The following DLK1 variants were observed in gnomAD, a reference collection of about 807,000 sequenced individuals.
DLK1 encodes delta like non-canonical Notch ligand 1.
A neutral mutation model predicts 35.2 loss-of-function variants in DLK1; 9 were observed. The observed-to-expected ratio is 0.26, with a 90% CI of 0.15 to 0.45. The LOEUF is 0.45. Among genes scored for constraint, DLK1 ranks in the 20% least tolerant of loss-of-function variants. The probability of loss-of-function intolerance (pLI) is 1.00; values close to 1 mark genes in which losing one functional copy is unlikely to be tolerated. For synonymous variants in DLK1, 231 were observed against 228.4 expected, an observed-to-expected ratio of 1.01 and a Z score of -0.10; for missense variants, 522 against 528.5, an observed-to-expected ratio of 0.99 and a Z score of 0.12.
intron 4 of DLK1, among the ~76,000 whole-genome samples, chr14:100,732,981 G>A (rs2036526649): frequency 6.6e-6 from 1 of 152,210 alleles, no homozygotes; most frequent in African/African-American, 2.4e-5. Context: ...AGAAACAGAA[G>A]CTAACATGCA....
In DLK1 at chr14:100,734,042, C is replaced by A; in HGVS notation, c.405-107C>A. 1 of 1,412,798 alleles carries A rather than the reference C, an allele frequency of 7.1e-7. No individual in the cohort carries two copies. Among genetic ancestry groups the A allele is most frequent in the Non-Finnish European group, 9.4e-7 (1 of 1,063,204 alleles). The allele number at this position is 1,412,798 out of a possible 1,614,324, so 87.5% of individuals were successfully genotyped here. On this transcript the variant is annotated intron_variant, in intron 4 of 4. Coordinates refer to ENST00000341267, the MANE Select transcript of DLK1 (RefSeq NM_003836.7). This position sits in a 1 kb window ranked among gnomAD's most constrained non-coding sequence, Gnocchi z 7.4. ...TCATTCACCTGATGTGTTTTAAGCA[C>A]CTGCCCCTTAGTCAGGCCAGGGACC...
chr14:100,734,629 A>G lies in DLK1; in HGVS notation c.885A>G (p.Lys295=). Reference sequence around the variant, plus strand: ...TGTCCATGAAAGAGCTCAACAAGAAAACCCCTCTCCTCACCGAGGGCCAGG... The same window carrying G: ...TGTCCATGAAAGAGCTCAACAAGAAGACCCCTCTCCTCACCGAGGGCCAGG... ...LKVSMKELNK[K]TPLLTEGQAI... The change falls in exon 5 of 5, where the codon AAA becomes AAG. Residue 295 remains lysine (K), a synonymous_variant. Coordinates refer to ENST00000341267, the MANE Select transcript of DLK1 (RefSeq NM_003836.7). The surrounding 1 kb of genome is among the most constrained non-coding windows in gnomAD (Gnocchi z 7.4). 6.2e-7 allele frequency: 1 copy of G among 1,613,802 alleles called. No homozygotes were observed.
chr14:100,731,409 A>G (rs1223931135), intron 3 of DLK1, among the ~76,000 whole-genome samples: 12 of 152,222 alleles, frequency 7.9e-5, no homozygotes, highest in Admixed American at 7.9e-4. Context: ...TGGCTTTAAA[A>G]GATGAAGCCT....
intron 1 of DLK1, 35 bp downstream of exon 1, chr14:100,727,170 TG>T: frequency 6.6e-7 from 1 of 1,524,384 alleles, no homozygotes. Flanking sequence ...GCGCCCCCTC[TG>T]GGGAAGCCTG....
Position 100,735,587 on chromosome 14 carries a change from C to T in DLK1, c.*691C>T, listed in dbSNP as rs988499928. On this transcript the variant is annotated 3_prime_UTR_variant, in exon 5 of 5. Transcript: ENST00000341267. ...GAGGGAGGGGTTTGAACACCGACCA[C>T]CATGGTCCTCTCTGGCTCTAAAACT... 6 of 152,164 alleles carry T rather than the reference C, an allele frequency of 3.9e-5. No individual in the cohort carries two copies. The highest frequency in any genetic ancestry group is 3.9e-4 in the Admixed American group (6 of 15,288). The allele number at this position is 152,164 out of a possible 1,614,324, so 9.4% of individuals were successfully genotyped here.
chr14:100,733,048 A>G (rs2036527589), intron 4 of DLK1, among the ~76,000 whole-genome samples: 1 of 152,244 alleles, frequency 6.6e-6, no homozygotes, highest in South Asian at 2.1e-4. Context: ...AGTAGTCTGT[A>G]AGAGCTGTAA....
Position 100,727,111 on chromosome 14 carries a change from C to T in DLK1, c.43C>T (p.Leu15=), listed in dbSNP as rs1254783826. 6.3e-7 allele frequency: 1 copy of T among 1,595,078 alleles called. No individual in the cohort carries two copies. Among genetic ancestry groups the T allele is most frequent in the African/African-American group, 1.4e-5 (1 of 72,906 alleles). ...CCTCCTGCGCGTCCTCTTGCTCCTGCTGGCTTTCGGCCACAGCACCTATGG... is the reference window on the plus strand; with the variant it reads ...CCTCCTGCGCGTCCTCTTGCTCCTGTTGGCTTTCGGCCACAGCACCTATGG... The part of the protein sequence containing the change: ...EALLRVLLLL[L]AFGHSTYGAE... The change falls in exon 1 of 5, where the codon CTG becomes TTG. Residue 15 remains leucine, a synonymous_variant. Transcript: ENST00000341267.
In DLK1 at chr14:100,734,692, G is replaced by T; in HGVS notation, c.948G>T (p.Leu316=). 6.2e-7 allele frequency: 1 copy of T among 1,614,096 alleles called. No individual in the cohort carries two copies. The highest frequency in any genetic ancestry group is 8.5e-7 in the Non-Finnish European group (1 of 1,180,042). The change falls in exon 5 of 5, where the codon CTG becomes CTT. Residue 316 remains leucine (L), a synonymous_variant. Transcript: ENST00000341267. This position sits in a 1 kb window ranked among gnomAD's most constrained non-coding sequence, Gnocchi z 7.4. ...CCATCCTGGGCGTGCTCACCAGCCT[G>T]GTGGTGCTGGGCACTGTGGGTATCG... ...CFTILGVLTS[L]VVLGTVGIVF...
At chr14:100,728,776 A>T in intron 2 of DLK1, 160 bp from the exon 3 acceptor site, 1 of 1,023,410 alleles carries the variant, frequency 9.8e-7, no homozygotes, top group Non-Finnish European at 1.4e-6. Flanking sequence ...TTTCTCTTTA[A>T]GTTTTCCCAT....
In DLK1 at chr14:100,729,185, C is replaced by T. The variant is rs117667438; in HGVS notation, c.262+119C>T. The T allele has an allele frequency of 6.8e-3, 10,172 of 1,488,892 alleles. 65 individuals are homozygous for T. The highest frequency in any genetic ancestry group is 7.6e-3 in the Non-Finnish European group (8,269 of 1,087,860). 92.2% of individuals were successfully genotyped at this position (1,488,892 alleles called of 1,614,324 possible). On this transcript the variant is annotated intron_variant, in intron 3 of 4. Coordinates refer to ENST00000341267, the MANE Select transcript of DLK1 (RefSeq NM_003836.7). ...CTCACTTCCTCATTCCTGCACACTC[C>T]GTGCCCTGTATTCTAAAGATCTGTT...
At position 100,734,107 on chromosome 14, in the gene DLK1, C is replaced by T; in HGVS notation, c.405-42C>T. On this transcript the variant is annotated intron_variant, in intron 4 of 4. Transcript: ENST00000341267. This position sits in a 1 kb window ranked among gnomAD's most constrained non-coding sequence, Gnocchi z 7.4. Reference sequence around the variant, plus strand: ...CCGTGCCCTGCAGCGCTGTTGTAGCCTAGCCCCTGAGGCCGTTTACTATGT... The same window carrying T: ...CCGTGCCCTGCAGCGCTGTTGTAGCTTAGCCCCTGAGGCCGTTTACTATGT... 6.4e-7 allele frequency: 1 copy of T among 1,555,280 alleles called. No individual in the cohort carries two copies. The highest frequency in any genetic ancestry group is 8.7e-7 in the Non-Finnish European group (1 of 1,151,690).
At chr14:100,727,895 G>A (rs887077393) in intron 1 of DLK1, among the ~76,000 whole-genome samples, 2 of 152,124 alleles carry the variant, frequency 1.3e-5, no homozygotes, top group African/African-American at 2.4e-5. Flanking sequence ...CTGGGTGCCC[G>A]GCTTAATAGG....
chr14:100,727,276 G>C (rs2036447036), intron 1 of DLK1, 141 bp downstream of exon 1: 2 of 902,430 alleles, frequency 2.2e-6, no homozygotes, highest in East Asian at 3.3e-5. Context: ...CGCTGTGCCT[G>C]TCTCGCCCTA....
chr14:100,731,654 G>A (rs1350787447), intron 3 of DLK1, among the ~76,000 whole-genome samples: 1 of 152,198 alleles, frequency 6.6e-6, no homozygotes, highest in Non-Finnish European at 1.5e-5. Flanking sequence ...ACAGGAGAGG[G>A]TGGAGATGCA....
In DLK1 at chr14:100,734,003, C is replaced by T. The variant is rs965370907; in HGVS notation, c.405-146C>T. On this transcript the variant is annotated intron_variant, in intron 4 of 4. Transcript: ENST00000341267. The surrounding 1 kb of genome is among the most constrained non-coding windows in gnomAD (Gnocchi z 7.4). ...CTCTGTGCCTCCCTGGCTGGCGTTC[C>T]CTCCCTCGCTCCCTCATTCACCTGA... is the stretch of plus-strand genomic sequence containing the variant. The T allele has an allele frequency of 2.8e-6, 3 of 1,073,834 alleles. No individual in the cohort carries two copies. The highest frequency in any genetic ancestry group is 3.1e-5 in the East Asian group (1 of 32,160). The allele number at this position is 1,073,834 out of a possible 1,614,324, so 66.5% of individuals were successfully genotyped here.
At chr14:100,729,343 G>C in intron 3 of DLK1, 2 of 644,340 alleles carry the variant, frequency 3.1e-6, no homozygotes, top group East Asian at 2.7e-5. Flanking sequence ...TGAATAAAGA[G>C]TCACAAAATA....
rs779173575 is a variant in DLK1, at chr14:100,727,147, G to A, written c.67+12G>A. ...CCACAGCACCTATGGTGAGTTCCCCGGCGGCCCGGCTCGCGCCCCCTCTGG... is the reference window on the plus strand; with the variant it reads ...CCACAGCACCTATGGTGAGTTCCCCAGCGGCCCGGCTCGCGCCCCCTCTGG... On this transcript the variant is annotated intron_variant, in intron 1 of 4. Coordinates refer to ENST00000341267, the MANE Select transcript of DLK1 (RefSeq NM_003836.7). 29 of 1,566,106 alleles carry A rather than the reference G, an allele frequency of 1.9e-5. No homozygotes were observed. In the South Asian group the frequency reaches 2.2e-4, roughly 12 times the overall value.
chr14:100,728,307 G>C, intron 1 of DLK1, 89 bp from the exon 2 acceptor site: 1 of 1,462,226 alleles, frequency 6.8e-7, no homozygotes, highest in African/African-American at 1.4e-5. Context: ...GTGCCCTCGA[G>C]GGCAGTGGTG....
rs763780181 is a variant in DLK1 at position 100,727,108 on chromosome 14, C to T, written c.40C>T (p.Leu14=). The change falls in exon 1 of 5, where the codon CTG becomes TTG. Residue 14 remains leucine (L), a synonymous_variant. Coordinates refer to ENST00000341267, the MANE Select transcript of DLK1 (RefSeq NM_003836.7). ...TEALLRVLLL[L]LAFGHSTYGA... Reference sequence around the variant, plus strand: ...AGCCCTCCTGCGCGTCCTCTTGCTCCTGCTGGCTTTCGGCCACAGCACCTA... The same window carrying T: ...AGCCCTCCTGCGCGTCCTCTTGCTCTTGCTGGCTTTCGGCCACAGCACCTA... The T allele has an allele frequency of 6.3e-7, 1 of 1,595,098 alleles. No homozygotes were observed.
Sources: allele counts gnomAD v4.1 joint callset (sites outside exome capture counted in the v4.1 genomes callset), GRCh38; gene constraint gnomAD v4.1.1; non-coding constraint Gnocchi (gnomAD v3.1); transcripts MANE v1.5; gene names NCBI Gene and HGNC (gene_info 2026-07-23, HGNC 2026-07-21).